Variants in FSHR observed in about 807,000 individuals in gnomAD.
The protein encoded by FSHR is follicle stimulating hormone receptor.
Under a neutral mutation model 52.1 loss-of-function variants are expected in FSHR, and 46 were observed. That is an observed-to-expected ratio of 0.88 (90% CI 0.70 to 1.13). FSHR has a LOEUF of 1.13. Among genes scored for constraint, FSHR ranks in the 50% most tolerant of loss-of-function variants. The pLI is 0.00. For synonymous variants in FSHR, 399 were observed against 309.6 expected (o/e 1.29, Z -3.03); for missense variants, 964 against 834.6 (o/e 1.16, Z -1.91).
At chr2:49,013,489 T>TATAAATATATATATATATAAATAA (rs1282481392) in intron 4 of FSHR, among the ~76,000 whole-genome samples, 4 of 73,024 alleles carry the variant, frequency 5.5e-5, no homozygotes, top group African/African-American at 1.4e-4. Context: ...TAAATAAATA[T>TATAAATATATATATATATAAATAA]ATATATATAT....
intron 9 of FSHR, among the ~76,000 whole-genome samples, chr2:48,964,993 CAAAAAA>C (rs200122416): frequency 8.4e-5 from 12 of 142,858 alleles, no homozygotes; most frequent in African/African-American, 2.8e-4. Flanking sequence ...TTTTTGGATG[CAAAAAA>C]AAAAAAAAAA....
chr2:49,056,650 C>G (rs1390076115), intron 2 of FSHR, among the ~76,000 whole-genome samples: 1 of 151,786 alleles, frequency 6.6e-6, no homozygotes, highest in East Asian at 1.9e-4. Flanking sequence ...TTAAACTGCA[C>G]CACAGACCAA....
Position 49,136,739 on chromosome 2 carries a change from T to A in FSHR, c.152+17527A>T, listed in dbSNP as rs1672501655. Reference sequence around the variant, plus strand: ...CCAAAAATCAATTAATGTAATATATTACATCAATATAAATAAAAACAAAAA... The same window carrying A: ...CCAAAAATCAATTAATGTAATATATAACATCAATATAAATAAAAACAAAAA... On this transcript the variant is annotated intron_variant, in intron 1 of 9. Transcript: ENST00000406846. Among the ~76,000 whole-genome samples the A allele has an allele frequency of 2.6e-5, 4 of 152,138 alleles. No individual in the cohort carries two copies. In the South Asian group the frequency reaches 8.3e-4, roughly 31 times the overall value.
At chr2:48,972,916 C>T (rs1674808231) in intron 8 of FSHR, among the ~76,000 whole-genome samples, 1 of 152,146 alleles carries the variant, frequency 6.6e-6, no homozygotes, top group South Asian at 2.1e-4. Flanking sequence ...TTTTATACTC[C>T]ATGGAATATC....
At chr2:48,972,859 T>G (rs543225740) in intron 8 of FSHR, among the ~76,000 whole-genome samples, 1 of 152,216 alleles carries the variant, frequency 6.6e-6, no homozygotes, top group Non-Finnish European at 1.5e-5. Flanking sequence ...CCCTTGAGTT[T>G]ACAGTATAAA....
chr2:49,038,643 ATAATAAT>A (rs1668377387), intron 2 of FSHR, among the ~76,000 whole-genome samples: 2 of 140,754 alleles, frequency 1.4e-5, no homozygotes, highest in Non-Finnish European at 1.5e-5. Flanking sequence ...AATAATAATA[ATAATAAT>A]AATAATAATA....
At chr2:49,105,127 A>G (rs765875944) in intron 1 of FSHR, among the ~76,000 whole-genome samples, 9 of 152,152 alleles carry the variant, frequency 5.9e-5, no homozygotes, top group Admixed American at 1.3e-4. Context: ...TACTTTTCAA[A>G]CAAACACAAA....
At chr2:49,072,059 A>C (rs368658641) in intron 1 of FSHR, among the ~76,000 whole-genome samples, 2 of 152,256 alleles carry the variant, frequency 1.3e-5, no homozygotes, top group South Asian at 4.2e-4. Flanking sequence ...GAACACTAAA[A>C]ACATATTGAC....
intron 3 of FSHR, among the ~76,000 whole-genome samples, chr2:49,018,711 C>G (rs13004711): frequency 0.53 from 81,033 of 151,910 alleles, 22,465 homozygotes; most frequent in Non-Finnish European, 0.62. Context: ...GTGAACATCA[C>G]TTGCAGAGTG....
chr2:49,065,407 T>C (rs1669463841), intron 2 of FSHR, among the ~76,000 whole-genome samples: 1 of 151,958 alleles, frequency 6.6e-6, no homozygotes. Context: ...TCAGAGTACA[T>C]CTGAGAGGCA....
intron 1 of FSHR, among the ~76,000 whole-genome samples, chr2:49,086,547 A>G (rs562006711): frequency 3.3e-5 from 5 of 152,218 alleles, no homozygotes; most frequent in South Asian, 2.1e-4. Flanking sequence ...GCTTCATTTT[A>G]TAATCACCTG....
At chr2:49,086,907 T>C (rs1307666804) in intron 1 of FSHR, among the ~76,000 whole-genome samples, 1 of 152,088 alleles carries the variant, frequency 6.6e-6, no homozygotes, top group African/African-American at 2.4e-5. Context: ...GTGGTGGGAT[T>C]ACAGGTGTGA....
At chr2:49,078,057 GC>G (rs1185640536) in intron 1 of FSHR, among the ~76,000 whole-genome samples, 1 of 152,164 alleles carries the variant, frequency 6.6e-6, no homozygotes, top group African/African-American at 2.4e-5. Context: ...TTTCAGCAAT[GC>G]CCCACTCTAC....
At chr2:49,024,903 T>A (rs1667867357) in intron 2 of FSHR, among the ~76,000 whole-genome samples, 1 of 152,234 alleles carries the variant, frequency 6.6e-6, no homozygotes, top group Non-Finnish European at 1.5e-5. Context: ...ATAGACCCTC[T>A]GTTACTGCCC....
chr2:49,127,956 A>G (rs1443352971), intron 1 of FSHR, among the ~76,000 whole-genome samples: 1 of 142,634 alleles, frequency 7.0e-6, no homozygotes, highest in Non-Finnish European at 1.5e-5. Context: ...GCAGTGGCGC[A>G]ATCTCCACTC....
At chr2:49,138,028 A>C (rs2103828539) in intron 1 of FSHR, among the ~76,000 whole-genome samples, 1 of 152,290 alleles carries the variant, frequency 6.6e-6, no homozygotes, top group South Asian at 2.1e-4. Flanking sequence ...ATGGGACAAA[A>C]ATATTTGTAA....
intron 1 of FSHR, among the ~76,000 whole-genome samples, chr2:49,143,576 G>A (rs952548): frequency 0.011 from 1,622 of 152,170 alleles, 16 homozygotes; most frequent in Non-Finnish European, 0.018. Context: ...ACAACTATTT[G>A]TTTCCTCCTG....
At chr2:49,042,597 CT>C (rs61452747) in intron 2 of FSHR, among the ~76,000 whole-genome samples, 152,289 of 152,348 alleles carry the variant, frequency 1, 76,115 homozygotes, top group Middle Eastern at 1. Context: ...ATTACTAAAT[CT>C]TTTTGAATTC....
chr2:49,103,970 T>G (rs1671131966), intron 1 of FSHR, among the ~76,000 whole-genome samples: 1 of 119,042 alleles, frequency 8.4e-6, no homozygotes, highest in African/African-American at 3.5e-5. Flanking sequence ...CTAGGTGGGC[T>G]ATGTTTTTTT....
Sources: allele counts gnomAD v4.1 joint callset (sites outside exome capture counted in the v4.1 genomes callset), GRCh38; gene constraint gnomAD v4.1.1; transcripts MANE v1.5; gene names NCBI Gene and HGNC (gene_info 2026-07-23, HGNC 2026-07-21).